CELF2: variants seen among roughly 807,000 people sequenced by gnomAD.
CELF2 encodes the protein CUGBP Elav-like family member 2, also known as CUG triplet repeat RNA-binding protein 2.
A neutral mutation model predicts 62.6 loss-of-function variants in CELF2; 8 were observed. That is an observed-to-expected ratio of 0.13 (90% CI 0.07 to 0.23). CELF2 has a LOEUF of 0.23. Among genes scored for constraint, CELF2 ranks in the 10% least tolerant of loss-of-function variants. The probability of loss-of-function intolerance (pLI) is 1.00; values close to 1 mark genes in which losing one functional copy is unlikely to be tolerated. For synonymous variants in CELF2, 258 were observed against 250.0 expected, an observed-to-expected ratio of 1.03 and a Z score of -0.30; for missense variants, 333 against 671.0, an observed-to-expected ratio of 0.50 and a Z score of 5.56.
the CELF2 span, among the ~76,000 whole-genome samples, chr10:10,574,943 C>G: frequency 6.7e-6 from 1 of 149,424 alleles, no homozygotes; most frequent in Non-Finnish European, 1.5e-5. Flanking sequence ...GTCTTGAACT[C>G]CTGACCTCAG....
At chr10:11,256,735 C>T (rs888683138) in intron 4 of CELF2, among the ~76,000 whole-genome samples, 15 of 151,136 alleles carry the variant, frequency 9.9e-5, no homozygotes, top group Non-Finnish European at 1.6e-4. Flanking sequence ...CAGTTTTAAC[C>T]TCGTCTTTCG....
At chr10:11,043,221 G>A (rs1265531439) in intron 1 of CELF2, among the ~76,000 whole-genome samples, 1 of 152,190 alleles carries the variant, frequency 6.6e-6, no homozygotes, top group Non-Finnish European at 1.5e-5. Context: ...GTAATGAGAA[G>A]GGTGGGACAC....
intron 2 of CELF2, among the ~76,000 whole-genome samples, chr10:11,169,840 G>A (rs1474855028): frequency 6.6e-6 from 1 of 152,188 alleles, no homozygotes; most frequent in Non-Finnish European, 1.5e-5. Flanking sequence ...AAGACCAGGA[G>A]GCTTTGGCTT....
chr10:10,644,015 C>T, the CELF2 span, among the ~76,000 whole-genome samples: 16 of 152,304 alleles, frequency 1.1e-4, no homozygotes, highest in African/African-American at 3.1e-4. Context: ...AGATTAAGGA[C>T]ATCATCCTGT....
the CELF2 span, among the ~76,000 whole-genome samples, chr10:10,715,449 G>C: frequency 6.6e-6 from 1 of 152,134 alleles, no homozygotes; most frequent in African/African-American, 2.4e-5. Flanking sequence ...CTTGGTCAAA[G>C]ATTGTTTCCT....
chr10:10,865,288 CAG>C (rs1270639239), intron 1 of CELF2, among the ~76,000 whole-genome samples: 1 of 152,214 alleles, frequency 6.6e-6, no homozygotes, highest in East Asian at 1.9e-4. Context: ...TGTCACAAAA[CAG>C]AGTTCAAGTG....
Position 11,269,055 on chromosome 10 carries a change from A to G in CELF2, c.619-1611A>G, listed in dbSNP as rs952762512. Among the ~76,000 whole-genome samples, 6 of 152,196 alleles carry G rather than the reference A, an allele frequency of 3.9e-5. No individual in the cohort carries two copies. The highest frequency in any genetic ancestry group is 7.3e-5 in the Non-Finnish European group (5 of 68,036). On this transcript the variant is annotated intron_variant, in intron 6 of 12. Transcript: ENST00000633077. The surrounding 1 kb of genome is among the most constrained non-coding windows in gnomAD (Gnocchi z 4.4). ...AAAAATAGATGTTCTGTTAGGAGAG[A>G]TGCTATAATTTGTTATGGAACAAAT...
the CELF2 span, among the ~76,000 whole-genome samples, chr10:10,738,003 C>T: frequency 1.3e-5 from 2 of 152,176 alleles, no homozygotes; most frequent in Non-Finnish European, 2.9e-5. Context: ...GCTCCAGCCA[C>T]ACACAGGGGA....
chr10:10,673,263 A>G, the CELF2 span, among the ~76,000 whole-genome samples: 2 of 152,050 alleles, frequency 1.3e-5, no homozygotes, highest in African/African-American at 2.4e-5. Context: ...CGCTATCTGT[A>G]TGTATTGTCT....
Position 11,319,739 on chromosome 10 carries a change from G to A in CELF2, c.1097-1450G>A, listed in dbSNP as rs977339841. The A allele has an allele frequency of 2.1e-6, 1 of 470,580 alleles. No individual in the cohort carries two copies. Among genetic ancestry groups the A allele is most frequent in the Non-Finnish European group, 4.4e-6 (1 of 226,744 alleles). The allele number at this position is 470,580 out of a possible 1,614,324, so 29.2% of individuals were successfully genotyped here. On this transcript the variant is annotated intron_variant, in intron 10 of 12. Coordinates refer to ENST00000633077, the MANE Select transcript of CELF2 (RefSeq NM_001326342.2). This position sits in a 1 kb window ranked among gnomAD's most constrained non-coding sequence, Gnocchi z 4.4. ...TCTGAGAAGCACAGGAATACCCGAG[G>A]TGAGGCACAATGACAGTCCTCCACT...
chr10:10,662,225 A>C, the CELF2 span, among the ~76,000 whole-genome samples: 1 of 152,188 alleles, frequency 6.6e-6, no homozygotes, highest in African/African-American at 2.4e-5. Context: ...ATTTACCTGC[A>C]TATGTCCAAG....
In CELF2 at chr10:11,215,766, G is replaced by A. The variant is rs954862546; in HGVS notation, c.272-1659G>A. ...TGTCCTGTTTTTCTTTGTATACCAAGCCTGATGAGGCATGGTTGGTGTTTT... is the reference window on the plus strand; with the variant it reads ...TGTCCTGTTTTTCTTTGTATACCAAACCTGATGAGGCATGGTTGGTGTTTT... On this transcript the variant is annotated intron_variant, in intron 2 of 12. Coordinates refer to ENST00000633077, the MANE Select transcript of CELF2 (RefSeq NM_001326342.2). 4.6e-5 allele frequency among the ~76,000 whole-genome samples: 7 copies of A among 152,182 alleles called. No homozygotes were observed. The East Asian group carries it at 9.6e-4, about 21-fold the overall frequency.
chr10:10,708,887 G>A, the CELF2 span, among the ~76,000 whole-genome samples: 17 of 152,110 alleles, frequency 1.1e-4, no homozygotes, highest in Admixed American at 5.9e-4. Context: ...CACGCACACC[G>A]TATAGGAACA....
chr10:10,462,615 C>CG, the CELF2 span, among the ~76,000 whole-genome samples: 2 of 69,418 alleles, frequency 2.9e-5, no homozygotes, highest in African/African-American at 5.7e-5. Context: ...TTTTTTTCAT[C>CG]TTTTTTTTTT....
chr10:10,924,041 G>A (rs2065185195), intron 2 of CELF2: 2 of 152,112 alleles, frequency 1.3e-5, no homozygotes, highest in Non-Finnish European at 2.9e-5. Flanking sequence ...CAAATGGAAT[G>A]AGGTTTCAAT....
chr10:11,119,689 A>C (rs2057316972), intron 1 of CELF2, among the ~76,000 whole-genome samples: 2 of 152,328 alleles, frequency 1.3e-5, no homozygotes, highest in South Asian at 4.2e-4. Flanking sequence ...AAACATACAA[A>C]TAGACTTTTC....
chr10:10,761,604 T>G, the CELF2 span, among the ~76,000 whole-genome samples: 2 of 152,198 alleles, frequency 1.3e-5, no homozygotes, highest in African/African-American at 4.8e-5. Context: ...TCCAATCTGT[T>G]GAAGGCCTGA....
At chr10:10,601,753 C>T in the CELF2 span, among the ~76,000 whole-genome samples, 4 of 150,072 alleles carry the variant, frequency 2.7e-5, no homozygotes, top group East Asian at 1.9e-4. Context: ...TTTTAAGTTC[C>T]GGGGTACATG....
At chr10:10,656,367 C>T in the CELF2 span, among the ~76,000 whole-genome samples, 1 of 141,144 alleles carries the variant, frequency 7.1e-6, no homozygotes, top group African/African-American at 2.6e-5. Context: ...CATCCCATTA[C>T]TGGGTATATA....
Sources: allele counts gnomAD v4.1 joint callset (sites outside exome capture counted in the v4.1 genomes callset), GRCh38; gene constraint gnomAD v4.1.1; non-coding constraint Gnocchi (gnomAD v3.1); transcripts MANE v1.5; gene names NCBI Gene and HGNC (gene_info 2026-07-23, HGNC 2026-07-21).